The following MAPKAP1 variants were observed in gnomAD, a reference collection of about 807,000 sequenced individuals.
MAPKAP1 encodes the protein MAPK associated protein 1, also known as target of rapamycin complex 2 subunit MAPKAP1.
Under a neutral mutation model 65.7 loss-of-function variants are expected in MAPKAP1, and 20 were observed. The observed-to-expected ratio is 0.30, with a 90% confidence interval of 0.21 to 0.44. The LOEUF is 0.44. MAPKAP1 is among the 20% of genes least tolerant of loss of function. The probability of loss-of-function intolerance (pLI) is 1.00; values close to 1 mark genes in which losing one functional copy is unlikely to be tolerated. For missense variants in MAPKAP1, 423 were observed against 648.0 expected (o/e 0.65, Z 3.77); for synonymous variants, 222 against 244.3 (o/e 0.91, Z 0.85).
chr9:125,582,474 T>G (rs1355358964), intron 5 of MAPKAP1, among the ~76,000 whole-genome samples: 2 of 152,188 alleles, frequency 1.3e-5, no homozygotes, highest in Non-Finnish European at 2.9e-5. Flanking sequence ...CTCCACTCAC[T>G]GTCAGTGCTT....
intron 1 of MAPKAP1, among the ~76,000 whole-genome samples, chr9:125,702,246 A>G (rs939033854): frequency 2.0e-5 from 3 of 152,048 alleles, no homozygotes; most frequent in African/African-American, 7.2e-5. Flanking sequence ...AATTTTTTTA[A>G]AAATTAGGCC....
At chr9:125,662,771 ATAAT>A (rs1394472963) in intron 3 of MAPKAP1, among the ~76,000 whole-genome samples, 1 of 151,938 alleles carries the variant, frequency 6.6e-6, no homozygotes, top group Non-Finnish European at 1.5e-5. Context: ...TTTCTTTATA[ATAAT>A]TAACATAAAT....
At chr9:125,662,496 A>T (rs932033236) in intron 3 of MAPKAP1, among the ~76,000 whole-genome samples, 1 of 152,188 alleles carries the variant, frequency 6.6e-6, no homozygotes, top group Non-Finnish European at 1.5e-5. Flanking sequence ...ATCCTGGCTA[A>T]GAGGGTGAAA....
intron 4 of MAPKAP1, among the ~76,000 whole-genome samples, chr9:125,633,787 C>T (rs2131692466): frequency 6.6e-6 from 1 of 152,280 alleles, no homozygotes; most frequent in African/African-American, 2.4e-5. Flanking sequence ...AGTTTCTCCC[C>T]TACAAATAGA....
At chr9:125,543,021 G>A (rs1024088303) in intron 7 of MAPKAP1, 38 bp downstream of exon 7, 2 of 1,357,480 alleles carry the variant, frequency 1.5e-6, no homozygotes, top group Non-Finnish European at 2.1e-6. Flanking sequence ...TAAGGGTTAA[G>A]CTTCTACTAC....
chr9:125,473,941 C>T (rs1450325218), intron 9 of MAPKAP1, among the ~76,000 whole-genome samples: 2 of 152,140 alleles, frequency 1.3e-5, no homozygotes, highest in East Asian at 1.9e-4. Context: ...ATAATAGATA[C>T]CTCAAGTGCT....
rs990140199 is a variant in MAPKAP1 at position 125,701,234 on chromosome 9, C to T, written c.-70+5737G>A. Among the ~76,000 whole-genome samples, 5 of 152,190 alleles carry T rather than the reference C, an allele frequency of 3.3e-5. No homozygotes were observed. The South Asian group carries it at 8.3e-4, about 25-fold the overall frequency. The stretch of plus-strand genomic sequence containing the variant: ...GTAACACAGTACCTTAAAATGAGTC[C>T]GCAGGGAACTGGAAAATGTTATTTT... On this transcript the variant is annotated intron_variant, in intron 1 of 11. Coordinates refer to ENST00000265960, the MANE Select transcript of MAPKAP1 (RefSeq NM_001006617.3).
intron 4 of MAPKAP1, among the ~76,000 whole-genome samples, chr9:125,591,114 G>A (rs1214231621): frequency 1.3e-5 from 2 of 152,314 alleles, no homozygotes; most frequent in East Asian, 3.9e-4. Flanking sequence ...AGGCTTACAA[G>A]GCTACAGTCA....
chr9:125,487,043 G>A (rs1854519432), intron 8 of MAPKAP1, among the ~76,000 whole-genome samples: 1 of 152,196 alleles, frequency 6.6e-6, no homozygotes, highest in African/African-American at 2.4e-5. Flanking sequence ...CACTGCCAGT[G>A]CTACCACTCA....
At chr9:125,511,028 C>T (rs1338402071) in intron 7 of MAPKAP1, among the ~76,000 whole-genome samples, 1 of 152,132 alleles carries the variant, frequency 6.6e-6, no homozygotes, top group African/African-American at 2.4e-5. Flanking sequence ...CAGTTTTCTT[C>T]TTTATAAAAC....
intron 8 of MAPKAP1, among the ~76,000 whole-genome samples, chr9:125,503,880 CTTTTTTTTTTT>C (rs35867576): frequency 0.44 from 29,592 of 66,522 alleles, 3,565 homozygotes; most frequent in Middle Eastern, 0.6. Context: ...CCACGCTTGG[CTTTTTTTTTTT>C]TTTTTTTTTT....
intron 1 of MAPKAP1, among the ~76,000 whole-genome samples, chr9:125,693,282 C>T (rs1835222592): frequency 6.6e-6 from 1 of 151,820 alleles, no homozygotes; most frequent in African/African-American, 2.4e-5. Context: ...AGCGTGGTGG[C>T]ACGCACCTGT....
chr9:125,691,449 G>A (rs1410880877), intron 1 of MAPKAP1, among the ~76,000 whole-genome samples: 1 of 152,074 alleles, frequency 6.6e-6, no homozygotes, highest in Non-Finnish European at 1.5e-5. Context: ...ACAATGAGCG[G>A]GCTTCAGATG....
At chr9:125,627,576 C>A (rs1173933655) in intron 4 of MAPKAP1, among the ~76,000 whole-genome samples, 2 of 152,084 alleles carry the variant, frequency 1.3e-5, no homozygotes, top group Non-Finnish European at 2.9e-5. Flanking sequence ...GCCCTGCCAG[C>A]ACACTTCACC....
chr9:125,698,296 T>TAAA (rs1216042883), intron 1 of MAPKAP1, among the ~76,000 whole-genome samples: 5 of 10,064 alleles, frequency 5.0e-4, no homozygotes, highest in African/African-American at 1.7e-3. Flanking sequence ...TAAATATATA[T>TAAA]ATATATATAT....
At chr9:125,486,600 CA>C (rs1197919957) in intron 8 of MAPKAP1, among the ~76,000 whole-genome samples, 4 of 152,208 alleles carry the variant, frequency 2.6e-5, no homozygotes, top group Non-Finnish European at 4.4e-5. Context: ...CTGATGCTTT[CA>C]CAGTGAAATC....
chr9:125,474,012 G>A (rs1249074995), intron 9 of MAPKAP1, among the ~76,000 whole-genome samples: 1 of 152,174 alleles, frequency 6.6e-6, no homozygotes, highest in East Asian at 1.9e-4. Flanking sequence ...CTGATACATA[G>A]CTAGCGATGA....
At chr9:125,705,772 C>T (rs1281817931) in intron 1 of MAPKAP1, among the ~76,000 whole-genome samples, 1 of 151,980 alleles carries the variant, frequency 6.6e-6, no homozygotes, top group Non-Finnish European at 1.5e-5. Flanking sequence ...GGAAGCGTCT[C>T]AATAGACTGA....
chr9:125,491,214 T>C (rs1854708331), intron 8 of MAPKAP1, among the ~76,000 whole-genome samples: 1 of 147,280 alleles, frequency 6.8e-6, no homozygotes, highest in Admixed American at 6.8e-5. Context: ...GAGGCTGAGG[T>C]GGGTGGATTG....
Sources: gnomAD v4.1 joint callset for allele counts (sites outside exome capture counted in the v4.1 genomes callset) on GRCh38, gnomAD v4.1.1 for gene constraint, MANE v1.5 for transcripts, NCBI Gene and HGNC (gene_info 2026-07-23, HGNC 2026-07-21) for gene names.